The following RIGI variants were observed in gnomAD, a reference collection of about 807,000 sequenced individuals.
The protein encoded by RIGI is antiviral innate immune response receptor RIG-I.
At chr9:32,517,254 T>C in the RIGI span, among the ~76,000 whole-genome samples, 30 of 152,214 alleles carry the variant, frequency 2.0e-4, no homozygotes, top group Admixed American at 1.4e-3. Context: ...ACAGCCTTCA[T>C]TGGATTACCG....
At chr9:32,488,817 C>T in the RIGI span, 1 of 1,613,318 alleles carries the variant, frequency 6.2e-7, no homozygotes, top group Non-Finnish European at 8.5e-7. Flanking sequence ...CAACTTTCCC[C>T]TTTTGTCCTT....
the RIGI span, among the ~76,000 whole-genome samples, chr9:32,472,645 C>G: frequency 6.6e-6 from 1 of 152,144 alleles, no homozygotes; most frequent in African/African-American, 2.4e-5. Flanking sequence ...CAGTCTGTTC[C>G]TGATAGTCTC....
the RIGI span, among the ~76,000 whole-genome samples, chr9:32,504,666 C>T: frequency 1.4e-5 from 2 of 147,682 alleles, 1 homozygote; most frequent in Non-Finnish European, 3.0e-5. Flanking sequence ...GCCCAGGCAA[C>T]AGAGCAAGGC....
At chr9:32,458,889 C>CTCT in the RIGI span, among the ~76,000 whole-genome samples, 1 of 125,034 alleles carries the variant, frequency 8.0e-6, no homozygotes, top group East Asian at 2.3e-4. Flanking sequence ...TTTAGCATGA[C>CTCT]TTTTTTTTTT....
chr9:32,520,410 A>T, the RIGI span, among the ~76,000 whole-genome samples: 1 of 152,146 alleles, frequency 6.6e-6, no homozygotes, highest in Non-Finnish European at 1.5e-5. Flanking sequence ...AATTCTTAGG[A>T]AACAATTATT....
At chr9:32,477,118 T>G in the RIGI span, 1 of 1,612,152 alleles carries the variant, frequency 6.2e-7, no homozygotes, top group Admixed American at 1.7e-5. Flanking sequence ...CACTTTCTAG[T>G]TCCTGCAGCT....
the RIGI span, among the ~76,000 whole-genome samples, chr9:32,483,456 C>T: frequency 1.9e-4 from 29 of 152,060 alleles, no homozygotes; most frequent in African/African-American, 5.8e-4. Context: ...AGGCAGGGTA[C>T]GGGAGGTGGG....
At chr9:32,505,291 A>G in the RIGI span, among the ~76,000 whole-genome samples, 1 of 152,088 alleles carries the variant, frequency 6.6e-6, no homozygotes, top group East Asian at 1.9e-4. Flanking sequence ...AATCAACTTC[A>G]TAACAATGGT....
the RIGI span, among the ~76,000 whole-genome samples, chr9:32,517,163 T>C: frequency 0.1 from 15,448 of 152,258 alleles, 1,008 homozygotes; most frequent in Middle Eastern, 0.27. Context: ...TCTGTAGTGC[T>C]GTTTGGCCCC....
the RIGI span, chr9:32,485,610 G>C: frequency 2.5e-6 from 1 of 405,182 alleles, no homozygotes; most frequent in South Asian, 1.8e-5. Flanking sequence ...GCGCGATCTC[G>C]GCTCACTGCA....
At chr9:32,492,293 T>C in the RIGI span, 1 of 1,328,978 alleles carries the variant, frequency 7.5e-7, no homozygotes, top group South Asian at 1.4e-5. Context: ...GATGTAGCTC[T>C]GGCTATCTGA....
At chr9:32,507,084 T>A in the RIGI span, among the ~76,000 whole-genome samples, 1 of 152,194 alleles carries the variant, frequency 6.6e-6, no homozygotes, top group East Asian at 1.9e-4. Context: ...TTCTGGGATA[T>A]AGAATAATAG....
At chr9:32,490,518 CA>C in the RIGI span, among the ~76,000 whole-genome samples, 5 of 151,518 alleles carry the variant, frequency 3.3e-5, no homozygotes, top group East Asian at 5.8e-4. Context: ...CAAAACAAAA[CA>C]AAAAAACTTG....
the RIGI span, among the ~76,000 whole-genome samples, chr9:32,504,067 A>ACACACACACACACACC: frequency 6.6e-6 from 1 of 151,318 alleles, no homozygotes; most frequent in Non-Finnish European, 1.5e-5. Context: ...ACACACACAC[A>ACACACACACACACACC]CCCAGGTCTG....
chr9:32,481,797 C>T, the RIGI span, among the ~76,000 whole-genome samples: 1 of 152,108 alleles, frequency 6.6e-6, no homozygotes, highest in African/African-American at 2.4e-5. Flanking sequence ...TGTTGTCAAG[C>T]TGGTTTCAAA....
At chr9:32,499,311 GATTT>G in the RIGI span, among the ~76,000 whole-genome samples, 12 of 81,134 alleles carry the variant, frequency 1.5e-4, no homozygotes, top group Admixed American at 4.3e-4. Flanking sequence ...CAGAGTTTGT[GATTT>G]GTTTTTTTTT....
the RIGI span, among the ~76,000 whole-genome samples, chr9:32,520,311 A>C: frequency 2.0e-5 from 3 of 152,162 alleles, no homozygotes; most frequent in Non-Finnish European, 2.9e-5. Context: ...TTCAGACAGT[A>C]ACTACTAGGC....
chr9:32,507,130 A>C, the RIGI span, among the ~76,000 whole-genome samples: 3 of 152,204 alleles, frequency 2.0e-5, no homozygotes, highest in African/African-American at 7.2e-5. Context: ...TTTAATTTCC[A>C]AAACACCCAA....
At chr9:32,498,938 G>A in the RIGI span, among the ~76,000 whole-genome samples, 7 of 144,418 alleles carry the variant, frequency 4.8e-5, no homozygotes, top group Non-Finnish European at 7.5e-5. Flanking sequence ...AGCCAAGATC[G>A]TGCCATTGCA....
Sources: gnomAD v4.1 joint callset for allele counts (sites outside exome capture counted in the v4.1 genomes callset) on GRCh38, gnomAD v4.1.1 for gene constraint, MANE v1.5 for transcripts, NCBI Gene and HGNC (gene_info 2026-07-23, HGNC 2026-07-21) for gene names.